TXNDC8: variants seen among roughly 807,000 people sequenced by gnomAD.
TXNDC8 encodes the protein thioredoxin domain-containing protein 8.
In TXNDC8, 15 loss-of-function variants were observed where a neutral mutation model predicts 12.9. The ratio of observed to expected loss-of-function variants is 1.16; its 90% CI spans 0.78 to 1.79. TXNDC8 has a LOEUF of 1.79. TXNDC8 is among the 40% of genes most tolerant of loss of function. The pLI, the probability that TXNDC8 is intolerant of heterozygous loss-of-function variation, is 0.00. For missense variants in TXNDC8, 128 were observed against 113.2 expected (o/e 1.13, Z -0.59); for synonymous variants, 40 against 35.4 (o/e 1.13, Z -0.46).
At chr9:110,318,527 G>A (rs1046322677) in intron 3 of TXNDC8, among the ~76,000 whole-genome samples, 1 of 152,118 alleles carries the variant, frequency 6.6e-6, no homozygotes, top group Non-Finnish European at 1.5e-5. Flanking sequence ...ACGAGGTCAG[G>A]AGATCGAGAC....
intron 3 of TXNDC8, among the ~76,000 whole-genome samples, chr9:110,307,262 T>C (rs1265821531): frequency 6.6e-6 from 1 of 152,142 alleles, no homozygotes; most frequent in Admixed American, 6.6e-5. Flanking sequence ...TTTATAGTTT[T>C]AGTATCTAAT....
At chr9:110,326,940 G>GCGCACACA (rs1554704834) in intron 2 of TXNDC8, among the ~76,000 whole-genome samples, 2 of 142,922 alleles carry the variant, frequency 1.4e-5, no homozygotes, top group East Asian at 4.1e-4. Context: ...TGCTACTCAT[G>GCGCACACA]CACACACACA....
chr9:110,320,976 A>G lies in TXNDC8; in HGVS notation c.195+5199T>C, dbSNP rs546149401. Among the ~76,000 whole-genome samples the G allele has an allele frequency of 2.6e-5, 4 of 152,354 alleles. No individual in the cohort carries two copies. The East Asian group carries it at 5.8e-4, about 22-fold the overall frequency. On this transcript the variant is annotated intron_variant, in intron 3 of 4. Transcript: ENST00000423740. ...TAGGACATAACTTCAGCCACTGCTT[A>G]TATTGCATCCCTGCCAGATGTTCAT...
chr9:110,305,769 TTTTCTTTTCTTTTCTTTTC>T lies in TXNDC8; in HGVS notation c.196-1256_196-1238del, dbSNP rs1446364109. Among the ~76,000 whole-genome samples the T allele has an allele frequency of 2.8e-4, 23 of 80,952 alleles. 1 individual carries two copies. The highest frequency in any genetic ancestry group is 5.4e-4 in the Non-Finnish European group (23 of 42,288). 53.1% of individuals were successfully genotyped at this position (80,952 alleles called of 152,430 possible). A position where few individuals can be genotyped will look rare whatever the true frequency, so the allele number is the denominator to read the frequency against. On this transcript the variant is annotated intron_variant, in intron 3 of 4. Coordinates refer to ENST00000423740, the MANE Select transcript of TXNDC8 (RefSeq NM_001286946.2). ...CCTTCCTTCCCTTCCCTTCCCTTTC[TTTTCTTTTCTTTTCTTTTC>T]TTTCTTTTCTTTTCTTTTCTTTCCT...
chr9:110,324,427 A>T (rs1035656556), intron 3 of TXNDC8, among the ~76,000 whole-genome samples: 2 of 152,260 alleles, frequency 1.3e-5, no homozygotes, highest in Non-Finnish European at 2.9e-5. Context: ...ATTGAAAATA[A>T]AATTCTGCAG....
In TXNDC8 at chr9:110,334,252, C is replaced by T. The variant is rs565055164; in HGVS notation, c.93G>A (p.Arg31=). 1 of 1,613,844 alleles carries T rather than the reference C, an allele frequency of 6.2e-7. No homozygotes were observed. Among genetic ancestry groups the T allele is most frequent in the Non-Finnish European group, 8.5e-7 (1 of 1,179,782 alleles). The stretch of plus-strand genomic sequence containing the variant: ...GAAACATCCTTTTGCAGGGACCACA[C>T]CGTTTCGAAGAAAATTGAACCACTG... Residue 31 remains arginine (R), a synonymous_variant, in exon 2 of 5, where the codon CGG becomes CGA. Coordinates refer to ENST00000423740, the MANE Select transcript of TXNDC8 (RefSeq NM_001286946.2).
chr9:110,322,681 G>T (rs1261878925), intron 3 of TXNDC8: 6 of 985,332 alleles, frequency 6.1e-6, no homozygotes, highest in Non-Finnish European at 2.4e-6. Flanking sequence ...AACAATATCA[G>T]CAGCAGCAGG....
intron 2 of TXNDC8, among the ~76,000 whole-genome samples, chr9:110,328,631 AC>A (rs1195713169): frequency 1.3e-5 from 2 of 152,014 alleles, no homozygotes; most frequent in African/African-American, 4.8e-5. Flanking sequence ...ACACGGAGAA[AC>A]CCTGTCTCTA....
chr9:110,323,721 G>C (rs1839198059), intron 3 of TXNDC8: 1 of 846,570 alleles, frequency 1.2e-6, no homozygotes, highest in Admixed American at 2.9e-5. Context: ...GATAGATTCA[G>C]GGTGCAGTCA....
chr9:110,320,916 C>T (rs963422631), intron 3 of TXNDC8, among the ~76,000 whole-genome samples: 2 of 152,158 alleles, frequency 1.3e-5, no homozygotes, highest in African/African-American at 2.4e-5. Flanking sequence ...TATTTATTAC[C>T]TGGAATTTGC....
chr9:110,331,871 A>C (rs960733023), intron 2 of TXNDC8, among the ~76,000 whole-genome samples: 4 of 152,242 alleles, frequency 2.6e-5, no homozygotes, highest in Admixed American at 2.0e-4. Context: ...GCCAGTTCCG[A>C]ATAGGCCATG....
At position 110,337,802 on chromosome 9, in the gene TXNDC8, C is replaced by T; in HGVS notation, c.-6G>A. ...TCTTTAATAATCTGTACCATGATTA[C>T]ACCAGGGAAGTGCTGATGAAAATCC... is the stretch of plus-strand genomic sequence containing the variant. On this transcript the variant is annotated 5_prime_UTR_variant, in exon 1 of 5. Coordinates refer to ENST00000423740, the MANE Select transcript of TXNDC8 (RefSeq NM_001286946.2). 3.7e-6 allele frequency: 6 copies of T among 1,613,802 alleles called. No homozygotes were observed. Among genetic ancestry groups the T allele is most frequent in the Non-Finnish European group, 5.1e-6 (6 of 1,179,800 alleles).
At chr9:110,319,627 G>T (rs994643045) in intron 3 of TXNDC8, among the ~76,000 whole-genome samples, 2 of 152,198 alleles carry the variant, frequency 1.3e-5, no homozygotes, top group Admixed American at 1.3e-4. Context: ...TACTGAAGAT[G>T]CTCTTTTGGG....
chr9:110,321,805 T>C (rs1839107485), intron 3 of TXNDC8, among the ~76,000 whole-genome samples: 1 of 152,134 alleles, frequency 6.6e-6, no homozygotes. Flanking sequence ...TTCTAGTGAC[T>C]TTCCTTGCAG....
At chr9:110,301,705 G>C (rs1406153668), downstream of TXNDC8, among the ~76,000 whole-genome samples, 1 of 152,158 alleles carries the variant, frequency 6.6e-6, no homozygotes, top group African/African-American at 2.4e-5. Context: ...TCTATCTGTA[G>C]CAACATAAAG....
downstream of TXNDC8, among the ~76,000 whole-genome samples, chr9:110,301,864 A>G (rs919618541): frequency 1.6e-4 from 24 of 152,190 alleles, no homozygotes; most frequent in African/African-American, 5.8e-4. Flanking sequence ...TTAAGTGCCT[A>G]TTCCAGTGTT....
chr9:110,329,990 C>T (rs752779587), intron 2 of TXNDC8, among the ~76,000 whole-genome samples: 3 of 152,114 alleles, frequency 2.0e-5, no homozygotes, highest in Non-Finnish European at 4.4e-5. Flanking sequence ...TTGGCAGTGA[C>T]GGTGACCATG....
rs1431270139 is a variant in TXNDC8, at chr9:110,311,535, A to G, written c.196-7003T>C. Among the ~76,000 whole-genome samples, 96 of 109,706 alleles carry G rather than the reference A, an allele frequency of 8.8e-4. 2 individuals carry two copies. The highest frequency in any genetic ancestry group is 7.1e-3 in the East Asian group (24 of 3,392). 72.0% of individuals were successfully genotyped at this position (109,706 alleles called of 152,430 possible). On this transcript the variant is annotated intron_variant, in intron 3 of 4. Transcript: ENST00000423740. ...AAAATAAAGAGGTATATATATATAT[A>G]TATATATATATATATATATATATCT...
At chr9:110,325,282 C>T (rs577187684) in intron 3 of TXNDC8, among the ~76,000 whole-genome samples, 8 of 152,122 alleles carry the variant, frequency 5.3e-5, no homozygotes, top group Non-Finnish European at 1.0e-4. Flanking sequence ...ATTTAATTAT[C>T]ACACCAACCC....
Sources: allele counts gnomAD v4.1 joint callset (sites outside exome capture counted in the v4.1 genomes callset), GRCh38; gene constraint gnomAD v4.1.1; transcripts MANE v1.5; gene names NCBI Gene and HGNC (gene_info 2026-07-23, HGNC 2026-07-21).